The following SEMA3E variants were observed in gnomAD, a reference collection of about 807,000 sequenced individuals.
The protein encoded by SEMA3E is semaphorin 3E.
SEMA3E carries 49 observed loss-of-function variants against 93.6 expected under a neutral mutation model. The ratio of observed to expected loss-of-function variants is 0.52; its 90% CI spans 0.42 to 0.66. The LOEUF (loss-of-function observed/expected upper bound fraction) is 0.66, where lower values mean the gene tolerates loss of function less well. Among genes scored for constraint, SEMA3E ranks in the 30% least tolerant of loss-of-function variants. The probability of loss-of-function intolerance (pLI) is 0.00; values close to 1 mark genes in which losing one functional copy is unlikely to be tolerated. For synonymous variants in SEMA3E, 363 were observed against 330.7 expected (o/e 1.10, Z -1.06); for missense variants, 906 against 964.8 (o/e 0.94, Z 0.81).
intron 4 of SEMA3E, among the ~76,000 whole-genome samples, chr7:83,440,461 G>A (rs1789090633): frequency 1.3e-5 from 2 of 152,138 alleles, no homozygotes; most frequent in South Asian, 4.1e-4. Flanking sequence ...CTTGTTTATT[G>A]TGTTGTTACT....
At chr7:83,568,691 C>T (rs1232771424) in intron 1 of SEMA3E, among the ~76,000 whole-genome samples, 1 of 152,050 alleles carries the variant, frequency 6.6e-6, no homozygotes, top group Non-Finnish European at 1.5e-5. Context: ...GATAAATACT[C>T]TCAAAAACTA....
At chr7:83,569,331 T>G (rs906920794) in intron 1 of SEMA3E, among the ~76,000 whole-genome samples, 11 of 152,000 alleles carry the variant, frequency 7.2e-5, no homozygotes, top group African/African-American at 2.7e-4. Flanking sequence ...AATTACATAA[T>G]TAAGTCCACA....
At chr7:83,621,668 G>A (rs989530423) in intron 1 of SEMA3E, among the ~76,000 whole-genome samples, 1 of 152,106 alleles carries the variant, frequency 6.6e-6, no homozygotes. Context: ...GAACAGAATA[G>A]AGAACTCAGA....
Position 83,365,552 on chromosome 7 carries a change from T to A in SEMA3E, c.*2034A>T, listed in dbSNP as rs1794654127. On this transcript the variant is annotated 3_prime_UTR_variant, in exon 17 of 17. Transcript: ENST00000643230. The stretch of plus-strand genomic sequence containing the variant: ...AACGCTCTTCAGTATATGGACTTCT[T>A]ATGACTTGTGTCATAGAAAAGCTAT... The A allele has an allele frequency of 6.6e-6, 1 of 152,216 alleles. No individual in the cohort carries two copies. The highest frequency in any genetic ancestry group is 6.5e-5 in the Admixed American group (1 of 15,274). The allele number at this position is 152,216 out of a possible 1,614,324, so 9.4% of individuals were successfully genotyped here. A position where few individuals can be genotyped will look rare whatever the true frequency, so the allele number is the denominator to read the frequency against.
intron 1 of SEMA3E, among the ~76,000 whole-genome samples, chr7:83,602,859 T>C (rs1250995791): frequency 1.3e-5 from 2 of 152,218 alleles, no homozygotes; most frequent in African/African-American, 2.4e-5. Flanking sequence ...ACTGTAGTAA[T>C]ACAATTTGCC....
chr7:83,397,645 T>A (rs1202389803), intron 11 of SEMA3E, among the ~76,000 whole-genome samples: 3 of 152,172 alleles, frequency 2.0e-5, no homozygotes, highest in Non-Finnish European at 4.4e-5. Flanking sequence ...ATTTCTGATA[T>A]TCTGAACTTG....
At chr7:83,378,153 T>C (rs149215270) in intron 16 of SEMA3E, among the ~76,000 whole-genome samples, 112 of 148,984 alleles carry the variant, frequency 7.5e-4, no homozygotes, top group Non-Finnish European at 1.4e-3. Flanking sequence ...TGTGGAAATA[T>C]ATATAGCCAC....
intron 4 of SEMA3E, among the ~76,000 whole-genome samples, chr7:83,448,867 GA>G (rs1357952726): frequency 6.6e-6 from 1 of 152,054 alleles, no homozygotes; most frequent in African/African-American, 2.4e-5. Context: ...TTCATACATA[GA>G]AAGCCTCAGA....
intron 4 of SEMA3E, among the ~76,000 whole-genome samples, chr7:83,457,435 C>G (rs551927226): frequency 6.6e-6 from 1 of 152,310 alleles, no homozygotes; most frequent in East Asian, 1.9e-4. Flanking sequence ...ATAGCTCTCT[C>G]TTGCTTGTAA....
intron 15 of SEMA3E, among the ~76,000 whole-genome samples, chr7:83,385,828 G>A (rs1787868637): frequency 1.3e-5 from 2 of 152,118 alleles, no homozygotes; most frequent in Non-Finnish European, 2.9e-5. Context: ...CAGGCAAAAT[G>A]CCACTACATA....
chr7:83,626,462 A>AT (rs1012622910), intron 1 of SEMA3E, among the ~76,000 whole-genome samples: 3 of 151,688 alleles, frequency 2.0e-5, no homozygotes, highest in African/African-American at 4.8e-5. Flanking sequence ...GAATTTATCC[A>AT]TTTTTTTCTA....
chr7:83,599,758 C>A (rs1792944451), intron 1 of SEMA3E, among the ~76,000 whole-genome samples: 1 of 152,112 alleles, frequency 6.6e-6, no homozygotes, highest in Non-Finnish European at 1.5e-5. Context: ...GTGTTCCAAC[C>A]ATGTTTTACA....
chr7:83,645,473 A>G (rs1229034708), intron 1 of SEMA3E, among the ~76,000 whole-genome samples: 1 of 152,026 alleles, frequency 6.6e-6, no homozygotes, highest in East Asian at 1.9e-4. Flanking sequence ...TTTACTTATT[A>G]ATGTAATTTA....
chr7:83,405,460 TA>T lies in SEMA3E; in HGVS notation c.987del (p.Phe329LeufsTer58). On this transcript the variant is annotated frameshift_variant, in exon 9 of 17. Coordinates refer to ENST00000643230, the MANE Select transcript of SEMA3E (RefSeq NM_012431.3). LOFTEE classifies it high-confidence loss of function. ...DHKNPVIFGLFNTTSNIFRGH... is the reference protein window; with the variant it reads ...DHKNPVIFGLXNTTSNIFRGH... ...GTATAAATTTCTCACCTGGTAGTGTTAAAGAGTCCAAATATCACTGGATTCT... is the reference window on the plus strand; with the variant it reads ...GTATAAATTTCTCACCTGGTAGTGTTAAGAGTCCAAATATCACTGGATTCT... 1.2e-6 allele frequency: 2 copies of T among 1,612,396 alleles called. No individual in the cohort carries two copies. The highest frequency in any genetic ancestry group is 8.5e-7 in the Non-Finnish European group (1 of 1,178,782).
At chr7:83,626,574 G>C (rs530803236) in intron 1 of SEMA3E, among the ~76,000 whole-genome samples, 2 of 151,854 alleles carry the variant, frequency 1.3e-5, no homozygotes, top group Non-Finnish European at 2.9e-5. Context: ...GTTTTTTATC[G>C]TGTCAATTTG....
intron 16 of SEMA3E, among the ~76,000 whole-genome samples, chr7:83,380,454 T>C (rs1787754407): frequency 6.6e-6 from 1 of 151,962 alleles, no homozygotes. Flanking sequence ...ATCTGTCTAC[T>C]CATTTTTGCA....
In SEMA3E at chr7:83,463,123, C is replaced by T. The variant is rs1322829012; in HGVS notation, c.456+3359G>A. ...TAATTCTCATAAAAACACACGTGCT[C>T]TCCCTGCAATCGTGTCCGACTGATC... is the stretch of plus-strand genomic sequence containing the variant. On this transcript the variant is annotated intron_variant, in intron 4 of 16. Coordinates refer to ENST00000643230, the MANE Select transcript of SEMA3E (RefSeq NM_012431.3). Among the ~76,000 whole-genome samples the T allele has an allele frequency of 2.0e-5, 3 of 151,214 alleles. No individual in the cohort carries two copies. In the East Asian group the frequency reaches 5.9e-4, roughly 30 times the overall value.
chr7:83,444,066 A>G (rs1489755844), intron 4 of SEMA3E, among the ~76,000 whole-genome samples: 1 of 152,196 alleles, frequency 6.6e-6, no homozygotes, highest in Non-Finnish European at 1.5e-5. Flanking sequence ...TGTCTTAAGT[A>G]CAATTAAAAT....
intron 2 of SEMA3E, among the ~76,000 whole-genome samples, chr7:83,481,288 A>AT (rs1385950987): frequency 1.1e-4 from 17 of 152,146 alleles, no homozygotes; most frequent in African/African-American, 3.9e-4. Flanking sequence ...AGATGCTTTA[A>AT]TTTTTTACTT....
Sources: allele counts gnomAD v4.1 joint callset (sites outside exome capture counted in the v4.1 genomes callset), GRCh38; gene constraint gnomAD v4.1.1; transcripts MANE v1.5; gene names NCBI Gene and HGNC (gene_info 2026-07-23, HGNC 2026-07-21).